NKD2: variants seen among roughly 807,000 people sequenced by gnomAD.
NKD2 encodes the protein protein naked cuticle homolog 2.
In NKD2, 43 loss-of-function variants were observed where a neutral mutation model predicts 34.8. The ratio of observed to expected loss-of-function variants is 1.24; its 90% CI spans 0.97 to 1.60. NKD2 has a LOEUF of 1.60. NKD2 is among the 40% of genes most tolerant of loss of function. The pLI is 0.00. For synonymous variants in NKD2, 278 were observed against 265.1 expected, an observed-to-expected ratio of 1.05 and a Z score of -0.47; for missense variants, 675 against 627.1, an observed-to-expected ratio of 1.08 and a Z score of -0.82.
chr5:1,028,388 G>T (rs541277404), intron 3 of NKD2, among the ~76,000 whole-genome samples: 1 of 152,212 alleles, frequency 6.6e-6, no homozygotes, highest in Non-Finnish European at 1.5e-5. Flanking sequence ...GGAGGCCTCC[G>T]TGGGTTGGGG....
chr5:1,036,419 T>A (rs1484998957), intron 9 of NKD2, 35 bp downstream of exon 9: 1 of 1,583,812 alleles, frequency 6.3e-7, no homozygotes, highest in South Asian at 1.1e-5. Context: ...CGTGAGGCCC[T>A]GGCTGTGGGT....
At chr5:1,015,741 C>CGGCCT (rs1321165894) in intron 3 of NKD2, among the ~76,000 whole-genome samples, 1 of 152,196 alleles carries the variant, frequency 6.6e-6, no homozygotes, top group African/African-American at 2.4e-5. Context: ...GACTGCAGAT[C>CGGCCT]GGCCTGTCCA....
chr5:1,033,466 G>A lies in NKD2; in HGVS notation c.297G>A (p.Pro99=), dbSNP rs1339715695. Residue 99 remains proline, a synonymous_variant, in exon 5 of 10, where the codon CCG becomes CCA. Coordinates refer to ENST00000296849, the MANE Select transcript of NKD2 (RefSeq NM_033120.4). ...AGAGGGCAGCAAACCGCGAGGGCCC[G>A]CGAGGACCGGGCGGGCAGCGCCTCA... ...DGERAANREG[P]RGPGGQRLNI... The A allele has an allele frequency of 1.3e-5, 20 of 1,555,690 alleles. No homozygotes were observed. The highest frequency in any genetic ancestry group is 1.7e-5 in the Non-Finnish European group (19 of 1,150,198).
chr5:1,010,058 T>C (rs1256827580), intron 3 of NKD2, among the ~76,000 whole-genome samples: 1 of 151,746 alleles, frequency 6.6e-6, no homozygotes, highest in Non-Finnish European at 1.5e-5. Flanking sequence ...CTGGGAGGGG[T>C]GACCACAGGC....
chr5:1,027,536 C>T (rs1399460175), intron 3 of NKD2, among the ~76,000 whole-genome samples: 2 of 152,234 alleles, frequency 1.3e-5, no homozygotes, highest in Non-Finnish European at 2.9e-5. Flanking sequence ...CACCTCCACC[C>T]TCCCAACTCG....
chr5:1,029,333 T>G (rs1162391977), intron 3 of NKD2, among the ~76,000 whole-genome samples: 1 of 152,234 alleles, frequency 6.6e-6, no homozygotes, highest in African/African-American at 2.4e-5. Flanking sequence ...ATTGGCTGGT[T>G]GATACAGCGT....
chr5:1,038,729 G>A lies in NKD2; in HGVS notation c.*356G>A, dbSNP rs1204817693. The A allele has an allele frequency of 5.7e-6, 3 of 530,082 alleles. No homozygotes were observed. Among genetic ancestry groups the A allele is most frequent in the African/African-American group, 3.8e-5 (2 of 52,498 alleles). The allele number at this position is 530,082 out of a possible 1,614,324, so 32.8% of individuals were successfully genotyped here. A position where few individuals can be genotyped will look rare whatever the true frequency, so the allele number is the denominator to read the frequency against. ...GAGTGCCCGGATGCTTGGGGTGGGTGTTCCTCCCGGGGCTTCAAGGGGTGA... is the reference window on the plus strand; with the variant it reads ...GAGTGCCCGGATGCTTGGGGTGGGTATTCCTCCCGGGGCTTCAAGGGGTGA... On this transcript the variant is annotated 3_prime_UTR_variant, in exon 10 of 10. Transcript: ENST00000296849. This position sits in a 1 kb window ranked among gnomAD's most constrained non-coding sequence, Gnocchi z 4.5.
intron 3 of NKD2, among the ~76,000 whole-genome samples, chr5:1,016,883 C>T (rs542182645): frequency 4.7e-5 from 7 of 149,936 alleles, no homozygotes; most frequent in Non-Finnish European, 8.8e-5. Context: ...ATAACAGAGC[C>T]GACCCCATCC....
intron 9 of NKD2, 58 bp from the exon 10 acceptor site, chr5:1,037,747 G>A (rs1734065853): frequency 5.7e-6 from 9 of 1,570,874 alleles, no homozygotes; most frequent in African/African-American, 1.3e-5. Context: ...CCGTTTCTGA[G>A]GAGATGGGAA....
At chr5:1,018,600 G>A (rs1398606461) in intron 3 of NKD2, among the ~76,000 whole-genome samples, 4 of 152,164 alleles carry the variant, frequency 2.6e-5, no homozygotes, top group Admixed American at 6.5e-5. Context: ...GTGACGCCCA[G>A]CCCCCTTGTC....
intron 7 of NKD2, 67 bp from the exon 8 acceptor site, chr5:1,035,322 G>GTGAATGAATGAGTGAATGC: frequency 8.1e-7 from 1 of 1,231,878 alleles, no homozygotes. Flanking sequence ...TAATGAATGA[G>GTGAATGAATGAGTGAATGC]TGAATGAATG....
chr5:1,027,064 G>T (rs1026767250), intron 3 of NKD2, among the ~76,000 whole-genome samples: 13 of 152,262 alleles, frequency 8.5e-5, no homozygotes, highest in African/African-American at 3.1e-4. Flanking sequence ...GGGCCAGGCT[G>T]TCACCCCGGC....
Position 1,009,074 on chromosome 5 carries a change from C to T in NKD2, c.17C>T (p.Ser6Leu). The change falls in exon 1 of 10, where the codon TCG (serine) becomes TTG (leucine). Residue 6 changes from serine to leucine, a missense_variant. Ser to Leu is a moderately radical substitution (Grantham distance 145). Transcript: ENST00000296849. This position sits in a 1 kb window ranked among gnomAD's most constrained non-coding sequence, Gnocchi z 6.9. MGKLQ[S>L]KHAAAARKRR... ...GCGGCGGCGATGGGGAAACTGCAGT[C>T]GAAGCACGGTGAGCCGCGGGCCGGT... 2.4e-6 allele frequency: 1 copy of T among 420,196 alleles called. No homozygotes were observed. Among genetic ancestry groups the T allele is most frequent in the Non-Finnish European group, 4.1e-6 (1 of 243,728 alleles). 26.0% of individuals were successfully genotyped at this position (420,196 alleles called of 1,614,324 possible). A position where few individuals can be genotyped will look rare whatever the true frequency, so the allele number is the denominator to read the frequency against.
rs778242161 is a variant in NKD2 at position 1,032,166 on chromosome 5, G to C, written c.156G>C (p.Gly52=). 1 of 1,610,572 alleles carries C rather than the reference G, an allele frequency of 6.2e-7. No individual in the cohort carries two copies. The highest frequency in any genetic ancestry group is 2.2e-5 in the East Asian group (1 of 44,678). The change falls in exon 4 of 10, where the codon GGG becomes GGC. Residue 52 remains glycine (G), a synonymous_variant. Coordinates refer to ENST00000296849, the MANE Select transcript of NKD2 (RefSeq NM_033120.4). ...TCTTCCTGCAGGAGCTGCCCAATGG[G>C]GACCCCAAGGAGGGGCCTTTCCGGG... is the stretch of plus-strand genomic sequence containing the variant. ...RARDKQELPN[G]DPKEGPFRED... is the part of the protein sequence containing the mutation.
chr5:1,037,003 GTGTGGATGGCGGGCAA>G lies in NKD2; in HGVS notation c.787+630_787+645del, dbSNP rs1198674499. The G allele has an allele frequency of 4.1e-3, 1,413 of 342,438 alleles. 16 individuals are homozygous for G. Among genetic ancestry groups the G allele is most frequent in the Middle Eastern group, 0.024 (24 of 1,018 alleles). 21.2% of individuals were successfully genotyped at this position (342,438 alleles called of 1,614,324 possible). ...GAGCAGTGTGGATGGCAGGCAGGCA[GTGTGGATGGCGGGCAA>G]TGTGGATGGCAGGCAGGCAGTGTGG... is the stretch of plus-strand genomic sequence containing the variant. On this transcript the variant is annotated intron_variant, in intron 9 of 9. Transcript: ENST00000296849.
chr5:1,029,234 G>A (rs556845788), intron 3 of NKD2, among the ~76,000 whole-genome samples: 61 of 152,308 alleles, frequency 4.0e-4, no homozygotes, highest in African/African-American at 1.4e-3. Flanking sequence ...GTGCGTTCGA[G>A]CGCTGAGAAT....
Position 1,009,602 on chromosome 5 carries a change from C to A in NKD2, c.141+42C>A. The A allele has an allele frequency of 7.2e-7, 1 of 1,383,346 alleles. No homozygotes were observed. Among genetic ancestry groups the A allele is most frequent in the Non-Finnish European group, 9.3e-7 (1 of 1,073,872 alleles). The allele number at this position is 1,383,346 out of a possible 1,614,324, so 85.7% of individuals were successfully genotyped here. On this transcript the variant is annotated intron_variant, in intron 3 of 9. Transcript: ENST00000296849. This position sits in a 1 kb window ranked among gnomAD's most constrained non-coding sequence, Gnocchi z 6.9. Reference sequence around the variant, plus strand: ...AGGCTGGGGTCGCGCTGCGCACCCGCCCGGGGGCGGGGAGCGGTGTCAGAG... The same window carrying A: ...AGGCTGGGGTCGCGCTGCGCACCCGACCGGGGGCGGGGAGCGGTGTCAGAG...
rs779753162 is a variant in NKD2, at chr5:1,032,163, TGGG to T, written c.155_157del (p.Gly52del). On this transcript the variant is annotated inframe_deletion, in exon 4 of 10. Transcript: ENST00000296849. ...CGTTCTTCCTGCAGGAGCTGCCCAATGGGGACCCCAAGGAGGGGCCTTTCCGGG... is the reference window on the plus strand; with the variant it reads ...CGTTCTTCCTGCAGGAGCTGCCCAATGACCCCAAGGAGGGGCCTTTCCGGG... The T allele has an allele frequency of 3.1e-6, 5 of 1,611,530 alleles. No homozygotes were observed. In the South Asian group the frequency reaches 5.5e-5, roughly 18 times the overall value.
At chr5:1,033,240 T>C in intron 4 of NKD2, 132 bp from the exon 5 acceptor site, 1 of 876,680 alleles carries the variant, frequency 1.1e-6, no homozygotes, top group Non-Finnish European at 1.7e-6. Context: ...GGTCCCAAGA[T>C]CGGGCTCTCA....
Sources: gnomAD v4.1 joint callset for allele counts (sites outside exome capture counted in the v4.1 genomes callset) on GRCh38, gnomAD v4.1.1 for gene constraint, Gnocchi (gnomAD v3.1) non-coding constraint, MANE v1.5 for transcripts, NCBI Gene and HGNC (gene_info 2026-07-23, HGNC 2026-07-21) for gene names.